The following MYO18B variants were observed in gnomAD, a reference collection of about 807,000 sequenced individuals.
MYO18B encodes the protein unconventional myosin-XVIIIb.
A neutral mutation model predicts 273.0 loss-of-function variants in MYO18B; 204 were observed. The observed-to-expected ratio is 0.75, with a 90% CI of 0.67 to 0.84. The LOEUF is 0.84. MYO18B is among the 40% of genes least tolerant of loss of function. The pLI is 0.00. For missense variants in MYO18B, 3,212 were observed against 3,287.6 expected (o/e 0.98, Z 0.56); for synonymous variants, 1,330 against 1,305.7 (o/e 1.02, Z -0.40).
intron 33 of MYO18B, among the ~76,000 whole-genome samples, chr22:25,917,545 GGTGTGTGTGTGT>G (rs3070569): frequency 1.3e-4 from 18 of 142,242 alleles, no homozygotes; most frequent in African/African-American, 3.9e-4. Flanking sequence ...GCTTTGTAGG[GGTGTGTGTGTGT>G]GTGTGTGTGT....
intron 12 of MYO18B, among the ~76,000 whole-genome samples, chr22:25,807,457 T>C (rs550670390): frequency 1.3e-5 from 2 of 152,310 alleles, no homozygotes; most frequent in South Asian, 4.1e-4. Flanking sequence ...TGTGTATCTG[T>C]ACTTTGGAAG....
intron 34 of MYO18B, among the ~76,000 whole-genome samples, chr22:25,945,185 G>A (rs945689100): frequency 6.6e-6 from 1 of 152,050 alleles, no homozygotes; most frequent in African/African-American, 2.4e-5. Context: ...TTTTAAAGGG[G>A]GTCTGTGGAC....
At chr22:25,872,752 C>A (rs868647903) in intron 22 of MYO18B, among the ~76,000 whole-genome samples, 1 of 152,000 alleles carries the variant, frequency 6.6e-6, no homozygotes, top group Non-Finnish European at 1.5e-5. Context: ...AAGTGTTTTC[C>A]CTGCATGTCG....
At chr22:25,802,854 A>G (rs1179087844) in intron 12 of MYO18B, among the ~76,000 whole-genome samples, 1 of 151,856 alleles carries the variant, frequency 6.6e-6, no homozygotes, top group Non-Finnish European at 1.5e-5. Context: ...ACAACCATGA[A>G]TCTACTTTCT....
chr22:25,767,781 A>G (rs2086560632), intron 3 of MYO18B, among the ~76,000 whole-genome samples: 1 of 152,182 alleles, frequency 6.6e-6, no homozygotes, highest in Admixed American at 6.5e-5. Flanking sequence ...GTAGGCTTTT[A>G]TCATTCTCAT....
intron 39 of MYO18B, chr22:25,959,267 T>C: frequency 1.0e-5 from 1 of 97,934 alleles, no homozygotes; most frequent in Non-Finnish European, 1.7e-5. Flanking sequence ...CCATCTTCCT[T>C]TTTTTTTTTT....
intron 40 of MYO18B, among the ~76,000 whole-genome samples, chr22:25,995,864 G>A (rs916428): frequency 0.097 from 14,760 of 152,114 alleles, 786 homozygotes; most frequent in South Asian, 0.15. Context: ...CCTGCTGGGC[G>A]TCTGATGTTT....
At chr22:25,804,683 G>A (rs1225239199) in intron 12 of MYO18B, among the ~76,000 whole-genome samples, 2 of 152,236 alleles carry the variant, frequency 1.3e-5, no homozygotes, top group African/African-American at 4.8e-5. Context: ...GGGCTCAGGT[G>A]GACACCCTCC....
intron 16 of MYO18B, among the ~76,000 whole-genome samples, 175 bp from the exon 17 acceptor site, chr22:25,835,121 A>G (rs1458843099): frequency 6.6e-6 from 1 of 152,216 alleles, no homozygotes; most frequent in African/African-American, 2.4e-5. Flanking sequence ...AGAGGTTGCT[A>G]TAGCTTCAAC....
chr22:25,827,049 G>A (rs535103588), intron 14 of MYO18B, among the ~76,000 whole-genome samples: 3 of 152,292 alleles, frequency 2.0e-5, no homozygotes, highest in South Asian at 4.1e-4. Flanking sequence ...GTGACAGAGC[G>A]AGACTCTCTC....
intron 11 of MYO18B, among the ~76,000 whole-genome samples, chr22:25,795,983 G>A (rs1193798450): frequency 6.6e-6 from 1 of 152,148 alleles, no homozygotes; most frequent in East Asian, 1.9e-4. Flanking sequence ...ACTGGTTGCT[G>A]CAAAATTCAA....
downstream of MYO18B, among the ~76,000 whole-genome samples, chr22:26,031,420 C>T (rs148915264): frequency 3.9e-5 from 6 of 152,158 alleles, no homozygotes; most frequent in Non-Finnish European, 7.3e-5. Flanking sequence ...GGCCTCTCTC[C>T]GTAGCTGGTA....
At chr22:25,879,586 A>G (rs1043483491) in intron 25 of MYO18B, among the ~76,000 whole-genome samples, 2 of 151,982 alleles carry the variant, frequency 1.3e-5, no homozygotes, top group Non-Finnish European at 2.9e-5. Context: ...ATGGGTATTG[A>G]TTTCATGGGC....
the MYO18B span, among the ~76,000 whole-genome samples, chr22:26,045,494 A>T: frequency 1.1e-4 from 16 of 152,328 alleles, no homozygotes; most frequent in Non-Finnish European, 2.1e-4. Context: ...TAAGATCATG[A>T]TCATATTGGA....
At chr22:25,774,140 C>CT in intron 7 of MYO18B, among the ~76,000 whole-genome samples, 1 of 152,202 alleles carries the variant, frequency 6.6e-6, no homozygotes, top group Non-Finnish European at 1.5e-5. Context: ...TGAGGCAATG[C>CT]TAAATCCATT....
At chr22:25,779,379 A>C (rs1391749277) in intron 8 of MYO18B, among the ~76,000 whole-genome samples, 1 of 152,186 alleles carries the variant, frequency 6.6e-6, no homozygotes, top group Non-Finnish European at 1.5e-5. Flanking sequence ...ATTTGCCCCA[A>C]ATCAGGTAAC....
chr22:25,828,004 CAGAAG>C (rs2089556980), intron 14 of MYO18B, among the ~76,000 whole-genome samples: 4 of 152,214 alleles, frequency 2.6e-5, no homozygotes, highest in Admixed American at 2.6e-4. Context: ...TGGCAAACAA[CAGAAG>C]AACCAAGGTT....
At chr22:25,877,715 G>A (rs1047861912) in intron 24 of MYO18B, among the ~76,000 whole-genome samples, 8 of 152,066 alleles carry the variant, frequency 5.3e-5, no homozygotes, top group South Asian at 2.1e-4. Flanking sequence ...TGATCCGCCC[G>A]CCTCAGCCTC....
chr22:25,757,928 ACT>A (rs2086177491), intron 1 of MYO18B, among the ~76,000 whole-genome samples: 1 of 152,162 alleles, frequency 6.6e-6, no homozygotes, highest in Non-Finnish European at 1.5e-5. Flanking sequence ...TTCCCAAACA[ACT>A]CTCACACACT....
Sources: gnomAD v4.1 joint callset for allele counts (sites outside exome capture counted in the v4.1 genomes callset) on GRCh38, gnomAD v4.1.1 for gene constraint, MANE v1.5 for transcripts, NCBI Gene and HGNC (gene_info 2026-07-23, HGNC 2026-07-21) for gene names.